The following CNTNAP2 variants were observed in gnomAD, a reference collection of about 807,000 sequenced individuals.
CNTNAP2 encodes the protein contactin-associated protein-like 2.
A neutral mutation model predicts 155.2 loss-of-function variants in CNTNAP2; 98 were observed. That is an observed-to-expected ratio of 0.63 (90% CI 0.54 to 0.75). CNTNAP2 has a LOEUF of 0.75. Ranked by LOEUF, CNTNAP2 falls within the 30% of genes least tolerant of loss-of-function variation. The probability of loss-of-function intolerance (pLI) is 0.00; values close to 1 mark genes in which losing one functional copy is unlikely to be tolerated. For synonymous variants in CNTNAP2, 651 were observed against 631.2 expected (o/e 1.03, Z -0.47); for missense variants, 1,727 against 1,688.1 (o/e 1.02, Z -0.40).
chr7:146,965,339 C>G (rs1469924540), intron 3 of CNTNAP2, among the ~76,000 whole-genome samples: 1 of 152,040 alleles, frequency 6.6e-6, no homozygotes, highest in African/African-American at 2.4e-5. Context: ...AGTAACTATT[C>G]ATATCACTGT....
At chr7:148,340,702 A>T (rs910847028) in intron 21 of CNTNAP2, among the ~76,000 whole-genome samples, 1 of 152,238 alleles carries the variant, frequency 6.6e-6, no homozygotes, top group Non-Finnish European at 1.5e-5. Flanking sequence ...CATCATTAAC[A>T]ATTGAAAGGA....
chr7:146,908,719 C>A (rs1358296492), intron 3 of CNTNAP2, among the ~76,000 whole-genome samples: 1 of 137,016 alleles, frequency 7.3e-6, no homozygotes, highest in African/African-American at 2.8e-5. Flanking sequence ...AAAATTGACA[C>A]CCTAACATCA....
rs1245609319 is a variant in CNTNAP2 at position 146,475,009 on chromosome 7, G to GCA, written c.98-299261_98-299260insAC. ...TGAGCACGAGCGCGCACGCGCGCGC[G>GCA]CGCGCACACACACACACACACACAC... On this transcript the variant is annotated intron_variant, in intron 1 of 23. Coordinates refer to ENST00000361727, the MANE Select transcript of CNTNAP2 (RefSeq NM_014141.6). Among the ~76,000 whole-genome samples, 399 of 129,596 alleles carry GCA rather than the reference G, an allele frequency of 3.1e-3. 1 individual carries two copies. The Middle Eastern group carries it at 0.051, about 17-fold the overall frequency. The allele number at this position is 129,596 out of a possible 152,430, so 85.0% of individuals were successfully genotyped here.
intron 3 of CNTNAP2, among the ~76,000 whole-genome samples, chr7:146,952,948 G>T (rs896684353): frequency 1.3e-5 from 2 of 152,036 alleles, no homozygotes; most frequent in Admixed American, 6.6e-5. Context: ...GCAAGCACAT[G>T]TTTATTGTAA....
chr7:146,343,461 A>G (rs945622894), intron 1 of CNTNAP2, among the ~76,000 whole-genome samples: 1 of 152,164 alleles, frequency 6.6e-6, no homozygotes, highest in Non-Finnish European at 1.5e-5. Context: ...ATGGCCTTCA[A>G]TACAGTAAAA....
chr7:147,455,137 G>T (rs1267804734), intron 10 of CNTNAP2, among the ~76,000 whole-genome samples: 3 of 152,110 alleles, frequency 2.0e-5, no homozygotes, highest in Admixed American at 6.6e-5. Flanking sequence ...TCTGAAAGTA[G>T]AAGGAATTTA....
intron 1 of CNTNAP2, among the ~76,000 whole-genome samples, chr7:146,361,614 T>G (rs1795083972): frequency 6.6e-6 from 1 of 152,332 alleles, no homozygotes; most frequent in East Asian, 1.9e-4. Context: ...GGAAGACTGA[T>G]TCTGTGTCGA....
intron 11 of CNTNAP2, among the ~76,000 whole-genome samples, chr7:147,494,920 TCTTTAG>T (rs1254754341): frequency 6.6e-6 from 1 of 152,180 alleles, no homozygotes; most frequent in Non-Finnish European, 1.5e-5. Flanking sequence ...CTATGACAAG[TCTTTAG>T]CTTTTGAAAC....
At chr7:147,539,435 T>C (rs1799602624) in intron 11 of CNTNAP2, among the ~76,000 whole-genome samples, 1 of 152,168 alleles carries the variant, frequency 6.6e-6, no homozygotes, top group Non-Finnish European at 1.5e-5. Flanking sequence ...AGCCAAACTA[T>C]TTTGGCTTCA....
intron 3 of CNTNAP2, among the ~76,000 whole-genome samples, chr7:146,874,781 T>C (rs1795386813): frequency 6.6e-6 from 1 of 152,226 alleles, no homozygotes; most frequent in Non-Finnish European, 1.5e-5. Context: ...ATAACACGAC[T>C]TCTCATTCTG....
intron 12 of CNTNAP2, among the ~76,000 whole-genome samples, chr7:147,622,049 A>G (rs1198810943): frequency 1.3e-5 from 2 of 152,094 alleles, no homozygotes; most frequent in Admixed American, 6.6e-5. Context: ...GAAGGTCACT[A>G]TATAATGATA....
chr7:147,871,506 T>C (rs557584064), intron 13 of CNTNAP2, among the ~76,000 whole-genome samples: 2 of 152,262 alleles, frequency 1.3e-5, no homozygotes, highest in South Asian at 4.1e-4. Context: ...TTGGTTCTTT[T>C]CCCCTCCTGG....
intron 3 of CNTNAP2, among the ~76,000 whole-genome samples, chr7:146,995,764 T>A (rs1798296612): frequency 6.6e-6 from 1 of 152,110 alleles, no homozygotes; most frequent in African/African-American, 2.4e-5. Flanking sequence ...TCCATGAATG[T>A]ATCAGATGTG....
chr7:147,923,139 C>T (rs939378198), intron 14 of CNTNAP2, among the ~76,000 whole-genome samples: 21 of 152,166 alleles, frequency 1.4e-4, no homozygotes, highest in African/African-American at 5.1e-4. Context: ...GACCACTGTC[C>T]ATGCAATAAT....
chr7:147,751,083 A>T (rs1797129136), intron 13 of CNTNAP2, among the ~76,000 whole-genome samples: 1 of 151,154 alleles, frequency 6.6e-6, no homozygotes, highest in African/African-American at 2.4e-5. Context: ...AAATAAATTA[A>T]AAAAAATTTC....
intron 23 of CNTNAP2, among the ~76,000 whole-genome samples, chr7:148,412,008 A>G (rs1344646574): frequency 2.6e-5 from 4 of 151,978 alleles, no homozygotes; most frequent in African/African-American, 9.7e-5. Context: ...CAGTGGCGCG[A>G]TCTCGGCTCA....
chr7:148,389,361 C>T (rs1425829168), intron 22 of CNTNAP2, among the ~76,000 whole-genome samples: 1 of 152,104 alleles, frequency 6.6e-6, no homozygotes, highest in Non-Finnish European at 1.5e-5. Context: ...TTTCCCTGCA[C>T]AAGCTCTCTC....
intron 18 of CNTNAP2, among the ~76,000 whole-genome samples, chr7:148,200,611 C>T (rs1303127357): frequency 1.3e-5 from 2 of 152,246 alleles, no homozygotes; most frequent in East Asian, 3.9e-4. Context: ...TTCAAAGACT[C>T]CTCTTACATA....
intron 1 of CNTNAP2, among the ~76,000 whole-genome samples, chr7:146,712,143 T>A (rs1267325897): frequency 8.0e-6 from 1 of 124,996 alleles, no homozygotes; most frequent in Non-Finnish European, 1.7e-5. Flanking sequence ...TTATGTATAC[T>A]ATATAGTATA....
Sources: allele counts gnomAD v4.1 joint callset (sites outside exome capture counted in the v4.1 genomes callset), GRCh38; gene constraint gnomAD v4.1.1; transcripts MANE v1.5; gene names NCBI Gene and HGNC (gene_info 2026-07-23, HGNC 2026-07-21).